THUMPD3: variants seen among roughly 807,000 people sequenced by gnomAD.
THUMPD3 encodes the protein tRNA (guanine(6)-N(2))-methyltransferase THUMP3.
A neutral mutation model predicts 54.5 loss-of-function variants in THUMPD3; 44 were observed. The observed-to-expected ratio is 0.81, with a 90% CI of 0.63 to 1.04. The LOEUF is 1.04. Ranked by LOEUF, THUMPD3 falls within the 50% of genes least tolerant of loss-of-function variation. The pLI is 0.00. For missense variants in THUMPD3, 604 were observed against 601.3 expected, an observed-to-expected ratio of 1.00 and a Z score of -0.05; for synonymous variants, 196 against 201.4, an observed-to-expected ratio of 0.97 and a Z score of 0.23.
chr3:9,371,006 T>G, intron 3 of THUMPD3, 54 bp from the exon 4 acceptor site: 6 of 1,401,200 alleles, frequency 4.3e-6, no homozygotes, highest in Non-Finnish European at 5.8e-6. Context: ...AGAGGTTTAT[T>G]TGTTTGATTA....
In THUMPD3 at chr3:9,380,753, C is replaced by T. The variant is rs900024274; in HGVS notation, c.1124+135C>T. 2.1e-5 allele frequency: 10 copies of T among 478,660 alleles called. No homozygotes were observed. In the East Asian group the frequency reaches 3.0e-4, roughly 14 times the overall value. 29.7% of individuals were successfully genotyped at this position (478,660 alleles called of 1,614,324 possible). On this transcript the variant is annotated intron_variant, in intron 7 of 9. Transcript: ENST00000452837. ...TGAATATACTATGAGACTCCATTTA[C>T]ATTTTTAAAGTTTATTGAAAATAAG...
At chr3:9,377,458 C>T (rs2032548911) in intron 5 of THUMPD3, among the ~76,000 whole-genome samples, 1 of 152,052 alleles carries the variant, frequency 6.6e-6, no homozygotes, top group Non-Finnish European at 1.5e-5. Flanking sequence ...ACTGCAATCC[C>T]CGCCTTCTGG....
At chr3:9,366,825 C>G in intron 2 of THUMPD3, 83 bp from the exon 3 acceptor site, 1 of 1,123,446 alleles carries the variant, frequency 8.9e-7, no homozygotes, top group East Asian at 2.5e-5. Context: ...ACTATCATTC[C>G]TAATTTTTTA....
intron 7 of THUMPD3, chr3:9,382,951 ATTCCTGGAGTCC>A: frequency 2.9e-6 from 1 of 346,254 alleles, no homozygotes; most frequent in South Asian, 4.4e-5. Flanking sequence ...CTGGTCTCAA[ATTCCTGGAGTCC>A]AGTGATCCTC....
intron 3 of THUMPD3, among the ~76,000 whole-genome samples, chr3:9,369,514 C>T (rs2031861798): frequency 6.6e-6 from 1 of 152,082 alleles, no homozygotes; most frequent in Non-Finnish European, 1.5e-5. Context: ...ATCTCAGCTA[C>T]CTGTGTGGCA....
Position 9,371,233 on chromosome 3 carries a change from G to A in THUMPD3, c.504G>A (p.Gln168=). 6.2e-7 allele frequency: 1 copy of A among 1,611,488 alleles called. No individual in the cohort carries two copies. Among genetic ancestry groups the A allele is most frequent in the Non-Finnish European group, 8.5e-7 (1 of 1,179,376 alleles). The change falls in exon 4 of 10, where the codon CAG becomes CAA. Residue 168 remains glutamine, a synonymous_variant. Coordinates refer to ENST00000452837, the MANE Select transcript of THUMPD3 (RefSeq NM_001114092.2). ...INNGQEVKID[Q]RNVKKEFTSH... ...ATGGACAAGAAGTCAAAATCGATCA[G>A]AGAAATGTTAAAAAAGAGTTCACTA...
intron 7 of THUMPD3, among the ~76,000 whole-genome samples, chr3:9,381,135 T>G (rs2032855060): frequency 6.6e-6 from 1 of 152,186 alleles, no homozygotes; most frequent in African/African-American, 2.4e-5. Flanking sequence ...GGTCTTGCTG[T>G]TTTGTCCAGG....
intron 5 of THUMPD3, among the ~76,000 whole-genome samples, chr3:9,376,683 TCCC>T (rs928193824): frequency 4.6e-5 from 7 of 152,060 alleles, no homozygotes; most frequent in African/African-American, 1.7e-4. Flanking sequence ...ATGCGATAAG[TCCC>T]ACACCAGCAC....
chr3:9,364,899 G>T, intron 1 of THUMPD3, 117 bp from the exon 2 acceptor site: 2 of 760,770 alleles, frequency 2.6e-6, no homozygotes, highest in Non-Finnish European at 4.1e-6. Flanking sequence ...TTTTTACTTT[G>T]GTGACTGTTT....
chr3:9,366,796 A>C, intron 2 of THUMPD3, 112 bp from the exon 3 acceptor site: 3 of 770,590 alleles, frequency 3.9e-6, no homozygotes, highest in Non-Finnish European at 6.0e-6. Flanking sequence ...TACAAAATAT[A>C]GTTAGTAGCT....
At chr3:9,371,601 T>G in intron 4 of THUMPD3, 65 bp downstream of exon 4, 1 of 1,331,096 alleles carries the variant, frequency 7.5e-7, no homozygotes, top group Non-Finnish European at 1.1e-6. Flanking sequence ...ATTTCCAGAC[T>G]AACCCAATGT....
chr3:9,370,970 G>GTATC lies in THUMPD3; in HGVS notation c.331-90_331-89insTATC, dbSNP rs199697363. ...CGGTCCTGGAACCAGTGTCCCCCAC[G>GTATC]GATACCAACTGTCCATAAGCAAAGT... On this transcript the variant is annotated intron_variant, in intron 3 of 9. Transcript: ENST00000452837. 1,865 of 1,110,738 alleles carry GTATC rather than the reference G, an allele frequency of 1.7e-3. 31 individuals are homozygous for GTATC. The African/African-American group carries it at 0.025, about 15-fold the overall frequency. The allele number at this position is 1,110,738 out of a possible 1,614,324, so 68.8% of individuals were successfully genotyped here. A position where few individuals can be genotyped will look rare whatever the true frequency, so the allele number is the denominator to read the frequency against.
intron 7 of THUMPD3, among the ~76,000 whole-genome samples, chr3:9,381,957 G>A (rs1239915755): frequency 6.7e-6 from 1 of 148,620 alleles, no homozygotes; most frequent in Non-Finnish European, 1.5e-5. Flanking sequence ...TTTTTTTTTT[G>A]TATTTTTAGT....
chr3:9,383,554 C>G (rs2033085409), intron 8 of THUMPD3, among the ~76,000 whole-genome samples: 1 of 151,902 alleles, frequency 6.6e-6, no homozygotes, highest in Admixed American at 6.6e-5. Context: ...CTAGCCCATT[C>G]TTGAATTATA....
In THUMPD3 at chr3:9,385,823, TTATG is replaced by T. The variant is rs1364462846; in HGVS notation, c.*1137_*1140del. On this transcript the variant is annotated 3_prime_UTR_variant, in exon 10 of 10. Coordinates refer to ENST00000452837, the MANE Select transcript of THUMPD3 (RefSeq NM_001114092.2). The stretch of plus-strand genomic sequence containing the variant: ...CTTTGGAAAACTTTTAATTTGGGAG[TTATG>T]TGAGTTGTTACTTTCTCCTGGATCA... 1.3e-5 allele frequency: 2 copies of T among 152,080 alleles called. No individual in the cohort carries two copies. The highest frequency in any genetic ancestry group is 6.6e-5 in the Admixed American group (1 of 15,264). 9.4% of individuals were successfully genotyped at this position (152,080 alleles called of 1,614,324 possible). A position where few individuals can be genotyped will look rare whatever the true frequency, so the allele number is the denominator to read the frequency against.
intron 4 of THUMPD3, among the ~76,000 whole-genome samples, chr3:9,373,158 G>A (rs1005663241): frequency 2.6e-5 from 4 of 152,072 alleles, no homozygotes; most frequent in African/African-American, 9.7e-5. Flanking sequence ...AGTTAGCAAG[G>A]TGATTCAGAG....
chr3:9,383,629 T>C (rs2033095548), intron 8 of THUMPD3, among the ~76,000 whole-genome samples: 1 of 148,036 alleles, frequency 6.8e-6, no homozygotes, highest in Non-Finnish European at 1.5e-5. Context: ...AAATGATTCT[T>C]TTTTTTTTTT....
chr3:9,374,732 T>C, intron 5 of THUMPD3, 86 bp downstream of exon 5: 3 of 1,459,092 alleles, frequency 2.1e-6, no homozygotes, highest in Non-Finnish European at 1.9e-6. Flanking sequence ...TGTATGTGTG[T>C]TTGAGGTACT....
chr3:9,378,568 T>TA (rs756080288), intron 6 of THUMPD3, among the ~76,000 whole-genome samples: 6 of 152,240 alleles, frequency 3.9e-5, no homozygotes, highest in Admixed American at 6.5e-5. Context: ...TTCTTCCATA[T>TA]AGTATACTGA....
Sources: allele counts gnomAD v4.1 joint callset (sites outside exome capture counted in the v4.1 genomes callset), GRCh38; gene constraint gnomAD v4.1.1; transcripts MANE v1.5; gene names NCBI Gene and HGNC (gene_info 2026-07-23, HGNC 2026-07-21).